The following ZNF618 variants were observed in gnomAD, a reference collection of about 807,000 sequenced individuals.
ZNF618 encodes zinc finger protein 618.
Under a neutral mutation model 103.0 loss-of-function variants are expected in ZNF618, and 34 were observed. That is an observed-to-expected ratio of 0.33 (90% CI 0.25 to 0.44). ZNF618 has a LOEUF of 0.44. Among genes scored for constraint, ZNF618 ranks in the 20% least tolerant of loss-of-function variants. The pLI is 1.00. For missense variants in ZNF618, 1,059 were observed against 1,295.4 expected (o/e 0.82, Z 2.80); for synonymous variants, 551 against 542.2 (o/e 1.02, Z -0.23).
At chr9:113,920,763 T>C (rs931172272) in intron 1 of ZNF618, among the ~76,000 whole-genome samples, 1 of 152,202 alleles carries the variant, frequency 6.6e-6, no homozygotes, top group Non-Finnish European at 1.5e-5. Flanking sequence ...AATGAAAGAA[T>C]GGATATGAAG....
chr9:114,049,690 C>A lies in ZNF618; in HGVS notation c.2388C>A (p.Phe796Leu). The change falls in exon 15 of 15, where the codon TTC becomes TTA. Residue 796 changes from phenylalanine (F) to leucine (L), a missense_variant. Transcript: ENST00000374126. ...TCCTGGAGGCGCTCAAGGAGAACTT[C>A]AAGGTGCACCCGGCCCACAAGGTGG... ...HLFLEALKENFKVHPAHKVAM... is the reference protein window; with the variant it reads ...HLFLEALKENLKVHPAHKVAM... 6.2e-7 allele frequency: 1 copy of A among 1,613,870 alleles called. No individual in the cohort carries two copies. Among genetic ancestry groups the A allele is most frequent in the Non-Finnish European group, 8.5e-7 (1 of 1,179,906 alleles).
At chr9:113,899,970 A>AT (rs373026841) in intron 1 of ZNF618, among the ~76,000 whole-genome samples, 64 of 151,082 alleles carry the variant, frequency 4.2e-4, no homozygotes, top group East Asian at 2.7e-3. Flanking sequence ...CTCTGCATTC[A>AT]TTTTTTTTTG....
chr9:113,899,021 A>T (rs548842088), intron 1 of ZNF618, among the ~76,000 whole-genome samples: 1 of 152,174 alleles, frequency 6.6e-6, no homozygotes, highest in Admixed American at 6.5e-5. Context: ...TGGCTGTGAG[A>T]TGGTCCCTCA....
Position 113,972,545 on chromosome 9 carries a change from G to A in ZNF618, c.77+3385G>A, listed in dbSNP as rs556771532. ...ATGCACTTACTCACCACGCCCTCCTGCTTCTTGGTGGGAAGGGATCAGTTA... is the reference window on the plus strand; with the variant it reads ...ATGCACTTACTCACCACGCCCTCCTACTTCTTGGTGGGAAGGGATCAGTTA... On this transcript the variant is annotated intron_variant, in intron 2 of 14. Coordinates refer to ENST00000374126, the MANE Select transcript of ZNF618 (RefSeq NM_001318042.2). Among the ~76,000 whole-genome samples the A allele has an allele frequency of 1.6e-4, 24 of 152,136 alleles. No individual in the cohort carries two copies. The East Asian group carries it at 4.6e-3, about 29-fold the overall frequency.
At chr9:113,922,889 G>A (rs1367858339) in intron 1 of ZNF618, among the ~76,000 whole-genome samples, 3 of 152,106 alleles carry the variant, frequency 2.0e-5, no homozygotes, top group Admixed American at 2.0e-4. Context: ...AGATAAAGTT[G>A]GAAAGAAATG....
chr9:113,954,698 C>G (rs1836093247), intron 1 of ZNF618, among the ~76,000 whole-genome samples: 1 of 152,190 alleles, frequency 6.6e-6, no homozygotes, highest in Admixed American at 6.5e-5. Context: ...AGTTCCATGC[C>G]TTCCTTTTCC....
chr9:113,973,141 G>A (rs560158384), intron 2 of ZNF618, among the ~76,000 whole-genome samples: 12 of 152,250 alleles, frequency 7.9e-5, no homozygotes, highest in African/African-American at 2.2e-4. Flanking sequence ...ATTTGACCAC[G>A]GCCAGGTGGG....
intron 9 of ZNF618, among the ~76,000 whole-genome samples, chr9:114,011,570 T>G (rs953006687): frequency 6.6e-6 from 1 of 152,208 alleles, no homozygotes; most frequent in African/African-American, 2.4e-5. Flanking sequence ...AAACGTTGCT[T>G]CTTCGGCTCC....
chr9:113,879,413 T>TAA (rs1554715442), intron 1 of ZNF618, among the ~76,000 whole-genome samples: 1 of 145,912 alleles, frequency 6.9e-6, no homozygotes, highest in East Asian at 2.1e-4. Context: ...TTTTTTTTTT[T>TAA]AAATTGGTTA....
At chr9:113,876,776 C>T (rs143841220) in intron 1 of ZNF618, among the ~76,000 whole-genome samples, 445 of 150,156 alleles carry the variant, frequency 3.0e-3, no homozygotes, top group Middle Eastern at 0.011. Flanking sequence ...CCCTCCCCCC[C>T]AAATTTGCAA....
At chr9:113,990,274 G>T in intron 3 of ZNF618, among the ~76,000 whole-genome samples, 1 of 152,158 alleles carries the variant, frequency 6.6e-6, no homozygotes, top group Non-Finnish European at 1.5e-5. Flanking sequence ...TTAGATTAGA[G>T]GGGCCCTGTC....
chr9:114,025,984 G>A (rs1250710709), intron 10 of ZNF618, among the ~76,000 whole-genome samples: 4 of 152,224 alleles, frequency 2.6e-5, no homozygotes, highest in African/African-American at 9.6e-5. Flanking sequence ...CGCTAATGGG[G>A]AGAGAGCCAT....
chr9:113,986,539 G>A (rs1839498346), intron 2 of ZNF618, among the ~76,000 whole-genome samples: 1 of 152,072 alleles, frequency 6.6e-6, no homozygotes, highest in African/African-American at 2.4e-5. Flanking sequence ...GGCTGTAGAG[G>A]GTCGCCCTGT....
intron 1 of ZNF618, among the ~76,000 whole-genome samples, chr9:113,914,330 T>A (rs1435290738): frequency 6.6e-6 from 1 of 152,190 alleles, no homozygotes; most frequent in African/African-American, 2.4e-5. Flanking sequence ...GAGCCTCTTT[T>A]GGTTCCCTCT....
chr9:113,951,571 G>GTA (rs1564208229), intron 1 of ZNF618, among the ~76,000 whole-genome samples: 3 of 23,848 alleles, frequency 1.3e-4, no homozygotes, highest in Non-Finnish European at 2.4e-4. Flanking sequence ...ATATGTGTGT[G>GTA]TGTATATGTG....
chr9:113,885,558 T>C (rs1003653227), intron 1 of ZNF618, among the ~76,000 whole-genome samples: 3 of 152,176 alleles, frequency 2.0e-5, no homozygotes, highest in Admixed American at 1.3e-4. Context: ...TGTGAGTCTT[T>C]CACAGATTCT....
chr9:113,901,122 C>T (rs1007951914), intron 1 of ZNF618, among the ~76,000 whole-genome samples: 1 of 149,314 alleles, frequency 6.7e-6, no homozygotes, highest in Non-Finnish European at 1.5e-5. Flanking sequence ...GACCTCCTGT[C>T]TCCTAGCACC....
chr9:113,980,693 A>G (rs1044581650), intron 2 of ZNF618, among the ~76,000 whole-genome samples: 1 of 152,220 alleles, frequency 6.6e-6, no homozygotes, highest in African/African-American at 2.4e-5. Flanking sequence ...AGCTGGAGTG[A>G]TGAAGAGGAT....
chr9:113,897,010 A>T (rs1302385120), intron 1 of ZNF618, among the ~76,000 whole-genome samples: 1 of 152,080 alleles, frequency 6.6e-6, no homozygotes, highest in East Asian at 1.9e-4. Flanking sequence ...ATAGATTTAC[A>T]TGTTTATTTT....
Sources: allele counts gnomAD v4.1 joint callset (sites outside exome capture counted in the v4.1 genomes callset), GRCh38; gene constraint gnomAD v4.1.1; transcripts MANE v1.5; gene names NCBI Gene and HGNC (gene_info 2026-07-23, HGNC 2026-07-21).